Variants in ACOT7 observed in about 807,000 individuals in gnomAD.
The protein encoded by ACOT7 is acyl-CoA thioesterase 7.
A neutral mutation model predicts 40.2 loss-of-function variants in ACOT7; 12 were observed. The ratio of observed to expected loss-of-function variants is 0.30; its 90% CI spans 0.19 to 0.48. ACOT7 has a LOEUF of 0.48. Ranked by LOEUF, ACOT7 falls within the 20% of genes least tolerant of loss-of-function variation. The pLI, the probability that ACOT7 is intolerant of heterozygous loss-of-function variation, is 0.99. For missense variants in ACOT7, 395 were observed against 530.8 expected, an observed-to-expected ratio of 0.74 and a Z score of 2.51; for synonymous variants, 228 against 219.5, an observed-to-expected ratio of 1.04 and a Z score of -0.34.
At chr1:6,276,625 G>A (rs1161287044) in intron 8 of ACOT7, among the ~76,000 whole-genome samples, 2 of 151,950 alleles carry the variant, frequency 1.3e-5, no homozygotes, top group South Asian at 2.1e-4. Flanking sequence ...AGGAGGGGCC[G>A]CCAGGGCACA....
chr1:6,354,012 G>A (rs911330432), intron 1 of ACOT7, among the ~76,000 whole-genome samples: 4 of 152,146 alleles, frequency 2.6e-5, no homozygotes, highest in Non-Finnish European at 4.4e-5. Context: ...TGTCACCCGG[G>A]CCCACAGCCC....
chr1:6,341,999 C>G (rs1641290228), intron 2 of ACOT7, among the ~76,000 whole-genome samples: 1 of 152,206 alleles, frequency 6.6e-6, no homozygotes, highest in African/African-American at 2.4e-5. Context: ...TTCATCTACC[C>G]TGGGGATCAT....
chr1:6,359,503 C>A lies in ACOT7; in HGVS notation c.144-9637G>T, dbSNP rs908600875. Among the ~76,000 whole-genome samples, 2 of 151,818 alleles carry A rather than the reference C, an allele frequency of 1.3e-5. No homozygotes were observed. Among genetic ancestry groups the A allele is most frequent in the Non-Finnish European group, 1.5e-5 (1 of 67,912 alleles). On this transcript the variant is annotated intron_variant, in intron 1 of 8. Coordinates refer to ENST00000361521, the MANE Select transcript of ACOT7 (RefSeq NM_007274.4). This position sits in a 1 kb window ranked among gnomAD's most constrained non-coding sequence, Gnocchi z 4.1. ...AACCCCTGCTTCAGAGGATGCCATG[C>A]CTGTCTTGGGGCTCAGCAACTCCAC...
chr1:6,388,443 CAA>C (rs894929739), intron 1 of ACOT7, among the ~76,000 whole-genome samples: 1 of 150,912 alleles, frequency 6.6e-6, no homozygotes, highest in African/African-American at 2.4e-5. Flanking sequence ...ATTATAAAAC[CAA>C]AGACAGAGCC....
At chr1:6,351,783 T>C (rs1448717403) in intron 1 of ACOT7, among the ~76,000 whole-genome samples, 2 of 152,174 alleles carry the variant, frequency 1.3e-5, no homozygotes, top group African/African-American at 4.8e-5. Context: ...CCCCCAGGAA[T>C]GACACAAGGC....
chr1:6,268,189 C>T (rs989587435), intron 8 of ACOT7, among the ~76,000 whole-genome samples: 1 of 151,968 alleles, frequency 6.6e-6, no homozygotes, highest in East Asian at 1.9e-4. Context: ...TAGAAGAAAA[C>T]CTGCTGAATC....
At chr1:6,373,883 T>C (rs1458255705) in intron 1 of ACOT7, among the ~76,000 whole-genome samples, 1 of 135,548 alleles carries the variant, frequency 7.4e-6, no homozygotes. Flanking sequence ...AAAAAAAAAA[T>C]GCAGGACCTG....
intron 1 of ACOT7, among the ~76,000 whole-genome samples, chr1:6,354,337 G>A (rs1641678954): frequency 6.6e-6 from 1 of 152,100 alleles, no homozygotes; most frequent in South Asian, 2.1e-4. Flanking sequence ...CAGGAGCAGA[G>A]GTCCGAGAAG....
chr1:6,388,973 G>A (rs148346556), intron 1 of ACOT7, among the ~76,000 whole-genome samples: 1,832 of 150,250 alleles, frequency 0.012, 19 homozygotes, highest in Non-Finnish European at 0.019. Context: ...CCCGGGAGGC[G>A]GAGCTTGCAG....
chr1:6,264,427 T>C lies in ACOT7; in HGVS notation c.*170A>G, dbSNP rs1382872603. The C allele has an allele frequency of 3.3e-6, 2 of 614,330 alleles. No individual in the cohort carries two copies. The highest frequency in any genetic ancestry group is 1.9e-5 in the African/African-American group (1 of 54,004). The allele number at this position is 614,330 out of a possible 1,614,324, so 38.1% of individuals were successfully genotyped here. ...TGGAATGATATAAATAAAGCTTTGG[T>C]GTGTAGGTTTGCAGGAGAGAGTACA... On this transcript the variant is annotated 3_prime_UTR_variant, in exon 9 of 9. Coordinates refer to ENST00000361521, the MANE Select transcript of ACOT7 (RefSeq NM_007274.4).
At chr1:6,373,084 T>C (rs1642161915) in intron 1 of ACOT7, among the ~76,000 whole-genome samples, 1 of 152,118 alleles carries the variant, frequency 6.6e-6, no homozygotes, top group Non-Finnish European at 1.5e-5. Context: ...CTCAAAACAA[T>C]TACACTAGTA....
rs1236761144 is a variant in ACOT7 at position 6,326,539 on chromosome 1, A to G, written c.625+760T>C. Among the ~76,000 whole-genome samples, 5 of 152,222 alleles carry G rather than the reference A, an allele frequency of 3.3e-5. No homozygotes were observed. In the South Asian group the frequency reaches 8.3e-4, roughly 25 times the overall value. On this transcript the variant is annotated intron_variant, in intron 5 of 8. Coordinates refer to ENST00000361521, the MANE Select transcript of ACOT7 (RefSeq NM_007274.4). ...GCCTACTGGCAGAGCCCCTCCTCCA[A>G]TCAATGTCTGAACAGTGGGGCCGGG... is the stretch of plus-strand genomic sequence containing the variant.
At chr1:6,313,843 T>C (rs1330039443) in intron 6 of ACOT7, among the ~76,000 whole-genome samples, 1 of 152,024 alleles carries the variant, frequency 6.6e-6, no homozygotes, top group Non-Finnish European at 1.5e-5. Flanking sequence ...CTCTCTCTTG[T>C]TGAAGCCAAG....
Position 6,301,522 on chromosome 1 carries a change from C to T in ACOT7, c.713-6542G>A, listed in dbSNP as rs1307189060. ...CCCCAGACCACACTGCATGATGTGACATGGACGCCTGCACTGGGTGAGGAC... is the reference window on the plus strand; with the variant it reads ...CCCCAGACCACACTGCATGATGTGATATGGACGCCTGCACTGGGTGAGGAC... On this transcript the variant is annotated intron_variant, in intron 6 of 8. Transcript: ENST00000361521. The surrounding 1 kb of genome is among the most constrained non-coding windows in gnomAD (Gnocchi z 4.1). Among the ~76,000 whole-genome samples, 1 of 152,214 alleles carries T rather than the reference C, an allele frequency of 6.6e-6. No individual in the cohort carries two copies. The highest frequency in any genetic ancestry group is 1.5e-5 in the Non-Finnish European group (1 of 68,036).
chr1:6,337,311 T>G (rs1356861240), intron 3 of ACOT7, among the ~76,000 whole-genome samples: 1 of 152,194 alleles, frequency 6.6e-6, no homozygotes, highest in Non-Finnish European at 1.5e-5. Flanking sequence ...ACGCCTGCCT[T>G]GGCTCTGCAC....
Position 6,338,954 on chromosome 1 carries a change from G to A in ACOT7, c.418+479C>T, listed in dbSNP as rs1490986234. Among the ~76,000 whole-genome samples, 10 of 152,198 alleles carry A rather than the reference G, an allele frequency of 6.6e-5. No individual in the cohort carries two copies. Among genetic ancestry groups the A allele is most frequent in the African/African-American group, 2.4e-4 (10 of 41,452 alleles). ...GGAGAATATTCAGATGAAAGCAGAG[G>A]CAAAGGTTCACCCAGTGAGCTTCCA... On this transcript the variant is annotated intron_variant, in intron 3 of 8. Coordinates refer to ENST00000361521, the MANE Select transcript of ACOT7 (RefSeq NM_007274.4). The surrounding 1 kb of genome is among the most constrained non-coding windows in gnomAD (Gnocchi z 4.4).
chr1:6,369,283 T>C (rs1246791005), intron 1 of ACOT7, among the ~76,000 whole-genome samples: 1 of 152,138 alleles, frequency 6.6e-6, no homozygotes. Flanking sequence ...GCCTGGTCTA[T>C]AAATATTCTT....
chr1:6,385,398 CA>C, intron 1 of ACOT7: 1 of 1,458,974 alleles, frequency 6.9e-7, no homozygotes, highest in Non-Finnish European at 9.3e-7. Context: ...CTACCCTCCC[CA>C]AAACTCCTCC....
At chr1:6,281,870 T>C (rs537061980) in intron 7 of ACOT7, among the ~76,000 whole-genome samples, 13 of 152,260 alleles carry the variant, frequency 8.5e-5, no homozygotes, top group African/African-American at 3.1e-4. Context: ...GAATCTTATG[T>C]GACTGCATGC....
Sources: allele counts gnomAD v4.1 joint callset (sites outside exome capture counted in the v4.1 genomes callset), GRCh38; gene constraint gnomAD v4.1.1; non-coding constraint Gnocchi (gnomAD v3.1); transcripts MANE v1.5; gene names NCBI Gene and HGNC (gene_info 2026-07-23, HGNC 2026-07-21).